Variants in SRRT observed in about 807,000 individuals in gnomAD.
The protein encoded by SRRT is serrate RNA effector molecule homolog.
SRRT carries 32 observed loss-of-function variants against 103.2 expected under a neutral mutation model. The ratio of observed to expected loss-of-function variants is 0.31; its 90% CI spans 0.23 to 0.42. The LOEUF (loss-of-function observed/expected upper bound fraction) is 0.42. Ranked by LOEUF, SRRT falls within the 10% of genes least tolerant of loss-of-function variation. SRRT has a pLI of 1.00. For synonymous variants in SRRT, 525 were observed against 449.0 expected (o/e 1.17, Z -2.14); for missense variants, 986 against 1,207.5 (o/e 0.82, Z 2.72).
Position 100,885,917 on chromosome 7 carries a change from C to A in SRRT, c.1434C>A (p.Ile478=). ...ACCGCAGTGTTAACATTAAAGAGAT[C>A]TGTTGGAACCTGCAGAACATCCGTG... ...TFDRSVNIKE[I]CWNLQNIRLR... Residue 478 remains isoleucine (I), a synonymous_variant, in exon 12 of 20, where the codon ATC becomes ATA. Transcript: ENST00000611405. The surrounding 1 kb of genome is among the most constrained non-coding windows in gnomAD (Gnocchi z 4.8). 6.2e-7 allele frequency: 1 copy of A among 1,614,074 alleles called. No individual in the cohort carries two copies. Among genetic ancestry groups the A allele is most frequent in the East Asian group, 2.2e-5 (1 of 44,882 alleles).
chr7:100,885,753 CAG>C lies in SRRT; in HGVS notation c.1375_1376del (p.Arg459GlufsTer15). 1 of 1,614,090 alleles carries C rather than the reference CAG, an allele frequency of 6.2e-7. No individual in the cohort carries two copies. The highest frequency in any genetic ancestry group is 8.5e-7 in the Non-Finnish European group (1 of 1,179,998). ...CGGGTGGCGCTCTCAGAGCCCCAGC[CAG>C]AGAGGAGGTGAGTAACTCGGTGCGT... On this transcript the variant is annotated frameshift_variant, in exon 11 of 20. Transcript: ENST00000611405. LOFTEE classifies it high-confidence loss of function. This position sits in a 1 kb window ranked among gnomAD's most constrained non-coding sequence, Gnocchi z 4.8.
chr7:100,881,232 G>T, intron 2 of SRRT, 53 bp from the exon 3 acceptor site: 1 of 1,577,018 alleles, frequency 6.3e-7, no homozygotes. Context: ...TGGATTACAG[G>T]CATGAGCCAC....
chr7:100,875,453 G>A (rs755434620), intron 1 of SRRT, 120 bp from the exon 2 acceptor site: 5 of 1,538,912 alleles, frequency 3.2e-6, no homozygotes, highest in Non-Finnish European at 4.4e-6. Flanking sequence ...GGCCTAGGAT[G>A]GTGGGGGCCG....
intron 3 of SRRT, 22 bp downstream of exon 3, chr7:100,881,435 C>T (rs999903740): frequency 1.6e-5 from 25 of 1,605,562 alleles, no homozygotes; most frequent in Non-Finnish European, 2.1e-5. Context: ...CGGTTTCCCT[C>T]TCCTCCCCTT....
At chr7:100,877,319 G>T (rs1815829733) in intron 2 of SRRT, among the ~76,000 whole-genome samples, 1 of 149,364 alleles carries the variant, frequency 6.7e-6, no homozygotes, top group Admixed American at 6.7e-5. Flanking sequence ...TACTTGGGAG[G>T]CTGAGACAGG....
At chr7:100,875,492 C>T (rs771884979) in intron 1 of SRRT, 81 bp from the exon 2 acceptor site, 3 of 1,575,042 alleles carry the variant, frequency 1.9e-6, no homozygotes, top group Non-Finnish European at 2.6e-6. Flanking sequence ...GGGAGGGAAG[C>T]GGGCGAGCTG....
chr7:100,886,657 C>G, intron 13 of SRRT, 138 bp from the exon 14 acceptor site: 1 of 1,095,310 alleles, frequency 9.1e-7, no homozygotes, highest in Non-Finnish European at 1.3e-6. Context: ...AAAATAAAGA[C>G]AAATCTCAAG....
chr7:100,885,944 G>A lies in SRRT; in HGVS notation c.1458+3G>A. 4 of 1,613,948 alleles carry A rather than the reference G, an allele frequency of 2.5e-6. No homozygotes were observed. In the South Asian group the frequency reaches 4.4e-5, roughly 18 times the overall value. On this transcript the variant is annotated splice_donor_region_variant and intron_variant, in intron 12 of 19. Transcript: ENST00000611405. The surrounding 1 kb of genome is among the most constrained non-coding windows in gnomAD (Gnocchi z 4.8). ...GTTGGAACCTGCAGAACATCCGTGT[G>A]AGTGCTGGGGGTGGGACTGTGGGGA...
Position 100,888,641 on chromosome 7 carries a change from G to C in SRRT, c.*92G>C. On this transcript the variant is annotated 3_prime_UTR_variant, in exon 20 of 20. Coordinates refer to ENST00000611405, the MANE Select transcript of SRRT (RefSeq NM_015908.6). ...AATTTTTTGTACGATCAGCCTTACT[G>C]CTAATAAAAGCACTTCCACAGGGCT... The C allele has an allele frequency of 6.5e-7, 1 of 1,528,902 alleles. No individual in the cohort carries two copies. Among genetic ancestry groups the C allele is most frequent in the Non-Finnish European group, 9.1e-7 (1 of 1,104,396 alleles). 94.7% of individuals were successfully genotyped at this position (1,528,902 alleles called of 1,614,324 possible).
Position 100,881,791 on chromosome 7 carries a change from G to A in SRRT, c.384G>A (p.Leu128=), listed in dbSNP as rs1320235003. 1 of 1,608,530 alleles carries A rather than the reference G, an allele frequency of 6.2e-7. No individual in the cohort carries two copies. The highest frequency in any genetic ancestry group is 8.5e-7 in the Non-Finnish European group (1 of 1,178,030). The change falls in exon 4 of 20, where the codon CTG becomes CTA. Residue 128 remains leucine (L), a synonymous_variant. Transcript: ENST00000611405. ...TCCACATCATGCAGCACCATGTCCTGCCTATCCAGGCCAGGTAAGGGTGGG... is the reference window on the plus strand; with the variant it reads ...TCCACATCATGCAGCACCATGTCCTACCTATCCAGGCCAGGTAAGGGTGGG... ...PDVHIMQHHV[L]PIQARLGSIA... is the part of the protein sequence containing the mutation.
chr7:100,882,208 A>G lies in SRRT; in HGVS notation c.554A>G (p.Gln185Arg). Reference sequence around the variant, plus strand: ...CTGGATTTCCGGAGGCAACAGATGCAGGATTTCTTCCTGGCGCACAAAGAT... The same window carrying G: ...CTGGATTTCCGGAGGCAACAGATGCGGGATTTCTTCCTGGCGCACAAAGAT... ...YKLDFRRQQM[Q>R]DFFLAHKDEE... The change falls in exon 5 of 20, where the codon CAG becomes CGG. Residue 185 changes from glutamine to arginine, a missense_variant. Around this residue, in one of 6 missense-constraint regions of SRRT, gnomAD observed 274 missense variants for 358.5 expected, o/e 0.76. Transcript: ENST00000611405. This position sits in a 1 kb window ranked among gnomAD's most constrained non-coding sequence, Gnocchi z 4.2. 1 of 1,614,152 alleles carries G rather than the reference A, an allele frequency of 6.2e-7. No individual in the cohort carries two copies. The highest frequency in any genetic ancestry group is 8.5e-7 in the Non-Finnish European group (1 of 1,180,002).
chr7:100,881,641 T>A lies in SRRT; in HGVS notation c.252-18T>A. 1 of 1,613,864 alleles carries A rather than the reference T, an allele frequency of 6.2e-7. No individual in the cohort carries two copies. Among genetic ancestry groups the A allele is most frequent in the Non-Finnish European group, 8.5e-7 (1 of 1,179,978 alleles). The stretch of plus-strand genomic sequence containing the variant: ...GTGACTCCCTTCTCTGCTTTACTTT[T>A]GTGTCCCCCACCTTCAGGGATGAGC... On this transcript the variant is annotated intron_variant, in intron 3 of 19. Transcript: ENST00000611405.
rs544594266 is a variant in SRRT, at chr7:100,877,845, C to T, written c.122+2133C>T. Among the ~76,000 whole-genome samples the T allele has an allele frequency of 3.3e-5, 5 of 152,258 alleles. No individual in the cohort carries two copies. In the South Asian group the frequency reaches 1.0e-3, roughly 32 times the overall value. Reference sequence around the variant, plus strand: ...AAGAGTACGCATGTGATTGAGTGAGCTGAACTAACAGCTTTTTTCCATGGG... The same window carrying T: ...AAGAGTACGCATGTGATTGAGTGAGTTGAACTAACAGCTTTTTTCCATGGG... On this transcript the variant is annotated intron_variant, in intron 2 of 19. Transcript: ENST00000611405.
rs758211506 is a variant in SRRT at position 100,886,979 on chromosome 7, C to T, written c.1821+11C>T. The T allele has an allele frequency of 6.2e-7, 1 of 1,608,904 alleles. No individual in the cohort carries two copies. On this transcript the variant is annotated intron_variant, in intron 14 of 19. Transcript: ENST00000611405. ...GAGAAGTTGATTAAGGTGCCAGTGG[C>T]AGCGCGGGGCACGTGGGGGCTCGGG... is the stretch of plus-strand genomic sequence containing the variant.
rs79001384 is a variant in SRRT, at chr7:100,878,789, T to C, written c.123-2496T>C. On this transcript the variant is annotated intron_variant, in intron 2 of 19. Transcript: ENST00000611405. ...GGCCACAGATCACTGCAGCCTTGAC[T>C]TCCCCAGGCTTAGGTGATCCTCTCA... 2.4e-4 allele frequency among the ~76,000 whole-genome samples: 37 copies of C among 152,096 alleles called. No individual in the cohort carries two copies. The East Asian group carries it at 7.2e-3, about 29-fold the overall frequency.
At position 100,885,939 on chromosome 7, in the gene SRRT, C is replaced by T; in HGVS notation, c.1456C>T (p.Arg486Cys). 3.7e-6 allele frequency: 6 copies of T among 1,613,870 alleles called. No individual in the cohort carries two copies. The highest frequency in any genetic ancestry group is 4.2e-6 in the Non-Finnish European group (5 of 1,179,982). The change falls in exon 12 of 20, where the codon CGT becomes TGT. Residue 486 changes from arginine (R) to cysteine (C), a missense_variant and splice_region_variant. By Grantham distance (180) the Arg-to-Cys change is radical. Around this residue, in one of 6 missense-constraint regions of SRRT, gnomAD observed 349 missense variants for 446.9 expected, o/e 0.78. Transcript: ENST00000611405. This position sits in a 1 kb window ranked among gnomAD's most constrained non-coding sequence, Gnocchi z 4.8. ...KEICWNLQNI[R>C]LRECELSPGV... ...GATCTGTTGGAACCTGCAGAACATC[C>T]GTGTGAGTGCTGGGGGTGGGACTGT...
chr7:100,888,042 T>C lies in SRRT; in HGVS notation c.2327T>C (p.Ile776Thr), dbSNP rs779367780. 6.5e-7 allele frequency: 1 copy of C among 1,544,268 alleles called. No individual in the cohort carries two copies. The highest frequency in any genetic ancestry group is 8.7e-7 in the Non-Finnish European group (1 of 1,149,888). ...GTAATTCATGTCCCTGTCCGTGTTG[T>C]ACTCCCCCCAGGTTTGACCCCAGGA... ...KPAQPPGPAQ[I>T]LPPGLTPGLP... The change falls in exon 18 of 20, where the codon ATA becomes ACA. Residue 776 changes from isoleucine to threonine, a missense_variant and splice_region_variant. By Grantham distance (89) the Ile-to-Thr change is moderately conservative. Transcript: ENST00000611405.
intron 1 of SRRT, 45 bp from the exon 2 acceptor site, chr7:100,875,528 G>T: frequency 6.2e-7 from 1 of 1,603,970 alleles, no homozygotes; most frequent in Non-Finnish European, 8.5e-7. Context: ...CCCTTCCTCC[G>T]CTCGTCCTTT....
chr7:100,886,557 C>A, intron 13 of SRRT, 122 bp downstream of exon 13: 1 of 1,119,362 alleles, frequency 8.9e-7, no homozygotes, highest in Non-Finnish European at 1.3e-6. Flanking sequence ...CACTCATTTG[C>A]CCCTTCGTGT....
Sources: allele counts gnomAD v4.1 joint callset (sites outside exome capture counted in the v4.1 genomes callset), GRCh38; gene constraint gnomAD v4.1.1; regional missense constraint gnomAD v4.1.1; non-coding constraint Gnocchi (gnomAD v3.1); transcripts MANE v1.5; gene names NCBI Gene and HGNC (gene_info 2026-07-23, HGNC 2026-07-21).